The following NRXN1 variants were observed in gnomAD, a reference collection of about 807,000 sequenced individuals.
The protein encoded by NRXN1 is neurexin-1.
A neutral mutation model predicts 150.9 loss-of-function variants in NRXN1; 39 were observed. The observed-to-expected ratio is 0.26, with a 90% CI of 0.20 to 0.34. The LOEUF (loss-of-function observed/expected upper bound fraction) is 0.34. Ranked by LOEUF, NRXN1 falls within the 10% of genes least tolerant of loss-of-function variation. NRXN1 has a pLI of 1.00. For missense variants in NRXN1, 1,815 were observed against 1,949.9 expected, an observed-to-expected ratio of 0.93 and a Z score of 1.30; for synonymous variants, 924 against 757.0, an observed-to-expected ratio of 1.22 and a Z score of -3.62.
At chr2:50,242,677 T>C (rs770282107) in intron 17 of NRXN1, among the ~76,000 whole-genome samples, 36 of 151,830 alleles carry the variant, frequency 2.4e-4, no homozygotes, top group Non-Finnish European at 2.9e-4. Flanking sequence ...CAGCCCTCAA[T>C]GTTACATATG....
intron 21 of NRXN1, among the ~76,000 whole-genome samples, chr2:49,998,729 T>C (rs893561489): frequency 3.9e-5 from 6 of 152,182 alleles, no homozygotes; most frequent in Admixed American, 3.3e-4. Context: ...TCTACGTCGC[T>C]GCGATACACA....
chr2:50,639,017 T>A (rs894632872), intron 5 of NRXN1, among the ~76,000 whole-genome samples: 2 of 151,976 alleles, frequency 1.3e-5, no homozygotes, highest in Non-Finnish European at 2.9e-5. Flanking sequence ...TGGTTCACCA[T>A]CCAAACTTTG....
intron 2 of NRXN1, among the ~76,000 whole-genome samples, chr2:50,935,175 C>G (rs1406303250): frequency 6.6e-6 from 1 of 152,100 alleles, no homozygotes; most frequent in Admixed American, 6.6e-5. Flanking sequence ...ATAATGTATT[C>G]TCTTATAGGT....
intron 8 of NRXN1, among the ~76,000 whole-genome samples, chr2:50,576,474 A>T (rs922745170): frequency 3.9e-5 from 6 of 152,122 alleles, no homozygotes; most frequent in African/African-American, 1.4e-4. Context: ...CTATTAAATC[A>T]TGTTTTTACT....
At chr2:50,664,854 A>G (rs1271569903) in intron 5 of NRXN1, among the ~76,000 whole-genome samples, 1 of 151,858 alleles carries the variant, frequency 6.6e-6, no homozygotes, top group Non-Finnish European at 1.5e-5. Context: ...ACCTAATGCT[A>G]TCTATCACCT....
chr2:50,324,012 C>A (rs1007223782), intron 17 of NRXN1, among the ~76,000 whole-genome samples: 2 of 152,132 alleles, frequency 1.3e-5, no homozygotes, highest in African/African-American at 4.8e-5. Flanking sequence ...TGGAAAACTA[C>A]GTAAACATAT....
chr2:50,396,296 A>G (rs1206790629), intron 17 of NRXN1, among the ~76,000 whole-genome samples: 1 of 152,160 alleles, frequency 6.6e-6, no homozygotes, highest in South Asian at 2.1e-4. Flanking sequence ...AGACTTCATT[A>G]TTGTCAATTT....
chr2:50,855,938 T>A (rs1485416987), intron 5 of NRXN1, among the ~76,000 whole-genome samples: 1 of 151,756 alleles, frequency 6.6e-6, no homozygotes, highest in Non-Finnish European at 1.5e-5. Flanking sequence ...CATGTTAGAA[T>A]CTATACCGCC....
intron 21 of NRXN1, 98 bp from the exon 22 acceptor site, chr2:49,943,889 G>T: frequency 1.1e-6 from 1 of 890,916 alleles, no homozygotes; most frequent in Non-Finnish European, 1.8e-6. Context: ...TGTTTATCAA[G>T]AAACCAAATT....
intron 2 of NRXN1, among the ~76,000 whole-genome samples, chr2:50,932,104 C>A (rs1270378689): frequency 6.6e-6 from 1 of 152,000 alleles, no homozygotes; most frequent in Non-Finnish European, 1.5e-5. Context: ...TACTTATAAT[C>A]AGGCTGAGCA....
At chr2:50,627,535 C>T (rs1010418358) in intron 5 of NRXN1, among the ~76,000 whole-genome samples, 35 of 150,788 alleles carry the variant, frequency 2.3e-4, no homozygotes, top group African/African-American at 8.3e-4. Context: ...TCTTTACATC[C>T]TTTTGTTTCC....
chr2:50,597,569 A>T (rs902253714), intron 8 of NRXN1, among the ~76,000 whole-genome samples: 1 of 152,034 alleles, frequency 6.6e-6, no homozygotes, highest in Admixed American at 6.6e-5. Flanking sequence ...TCCTCATTAA[A>T]CTTCCCAGAA....
intron 18 of NRXN1, among the ~76,000 whole-genome samples, chr2:50,107,227 T>C (rs1274867803): frequency 6.7e-6 from 1 of 149,356 alleles, no homozygotes; most frequent in African/African-American, 2.5e-5. Flanking sequence ...ACTTAATTCT[T>C]TGGAAGGACA....
rs577519975 is a variant in NRXN1 at position 50,475,058 on chromosome 2, A to G, written c.3071-2587T>C. ...TGAGATTTATAATTTGACATGACAA[A>G]TAGCAATGAAAGGAAATACTACCTA... On this transcript the variant is annotated intron_variant, in intron 15 of 22. Transcript: ENST00000401669. Among the ~76,000 whole-genome samples, 5 of 152,182 alleles carry G rather than the reference A, an allele frequency of 3.3e-5. No homozygotes were observed. In the South Asian group the frequency reaches 1.0e-3, roughly 32 times the overall value.
At chr2:50,610,754 TTATA>T (rs5831144) in intron 8 of NRXN1, among the ~76,000 whole-genome samples, 5,673 of 127,858 alleles carry the variant, frequency 0.044, 413 homozygotes, top group African/African-American at 0.15. Flanking sequence ...GTAATTATAT[TTATA>T]TATATATATA....
chr2:50,881,991 T>G lies in NRXN1; in HGVS notation c.832+39878A>C, dbSNP rs776328369. 7.8e-4 allele frequency among the ~76,000 whole-genome samples: 118 copies of G among 151,936 alleles called. 1 individual carries two copies. Among genetic ancestry groups the G allele is most frequent in the Non-Finnish European group, 1.3e-3 (89 of 67,888 alleles). ...AGCGAAAATTCTGTCCTATGTTCAG[T>G]GTCTGGAAGCAAAACATATGCTCAA... On this transcript the variant is annotated intron_variant, in intron 5 of 22. Transcript: ENST00000401669.
At chr2:50,531,656 C>T (rs1034387889) in intron 10 of NRXN1, among the ~76,000 whole-genome samples, 1 of 152,056 alleles carries the variant, frequency 6.6e-6, no homozygotes, top group Middle Eastern at 3.2e-3. Flanking sequence ...ACAGAGATAT[C>T]AGCAGTTCCT....
chr2:50,035,300 T>G (rs1365891871), intron 21 of NRXN1, among the ~76,000 whole-genome samples: 3 of 152,122 alleles, frequency 2.0e-5, no homozygotes, highest in African/African-American at 7.2e-5. Context: ...GTTTTCTAAT[T>G]CTTACAAGCT....
At chr2:50,284,605 G>A (rs1012920117) in intron 17 of NRXN1, among the ~76,000 whole-genome samples, 1 of 152,136 alleles carries the variant, frequency 6.6e-6, no homozygotes, top group Non-Finnish European at 1.5e-5. Context: ...ATTGTAGTCA[G>A]TAAATGCTTT....
Sources: gnomAD v4.1 joint callset for allele counts (sites outside exome capture counted in the v4.1 genomes callset) on GRCh38, gnomAD v4.1.1 for gene constraint, MANE v1.5 for transcripts, NCBI Gene and HGNC (gene_info 2026-07-23, HGNC 2026-07-21) for gene names.